GTF2E1: variants seen among roughly 807,000 people sequenced by gnomAD.
The protein encoded by GTF2E1 is TFIIE alpha subunit.
A neutral mutation model predicts 34.9 loss-of-function variants in GTF2E1; 14 were observed. That is an observed-to-expected ratio of 0.40 (90% CI 0.27 to 0.63). The LOEUF is 0.63. GTF2E1 is among the 20% of genes least tolerant of loss of function. The pLI is 0.39. For missense variants in GTF2E1, 469 were observed against 557.7 expected, an observed-to-expected ratio of 0.84 and a Z score of 1.60; for synonymous variants, 188 against 192.9, an observed-to-expected ratio of 0.97 and a Z score of 0.21.
intron 2 of GTF2E1, among the ~76,000 whole-genome samples, chr3:120,764,504 G>A (rs565641178): frequency 6.6e-6 from 1 of 152,282 alleles, no homozygotes; most frequent in African/African-American, 2.4e-5. Context: ...TTTTTTAAAA[G>A]TTTGTGGGAA....
rs756817227 is a variant in GTF2E1 at position 120,781,224 on chromosome 3, C to T, written c.1074C>T (p.Thr358=). 14 of 1,614,044 alleles carry T rather than the reference C, an allele frequency of 8.7e-6. 1 individual carries two copies. In the East Asian group the frequency reaches 3.1e-4, roughly 36 times the overall value. The stretch of plus-strand genomic sequence containing the variant: ...ATGGCAGTGACTCAGAAAGCGAGAC[C>T]AGTGAGTCAGATGATGATTCTCCAC... ...AANGSDSESE[T]SESDDDSPPR... The change falls in exon 5 of 5, where the codon ACC becomes ACT. Residue 358 remains threonine (T), a synonymous_variant. Coordinates refer to ENST00000283875, the MANE Select transcript of GTF2E1 (RefSeq NM_005513.3).
intron 2 of GTF2E1, among the ~76,000 whole-genome samples, chr3:120,756,864 T>TG (rs1374505909): frequency 6.6e-6 from 1 of 152,014 alleles, no homozygotes; most frequent in Non-Finnish European, 1.5e-5. Context: ...AGCCAGAGGT[T>TG]GCAGTGAGCC....
At chr3:120,770,953 A>G in intron 3 of GTF2E1, 24 bp downstream of exon 3, 1 of 1,586,928 alleles carries the variant, frequency 6.3e-7, no homozygotes, top group Non-Finnish European at 8.7e-7. Flanking sequence ...CTGTGCTCTT[A>G]CTAAGAACAC....
chr3:120,763,391 A>AT lies in GTF2E1; in HGVS notation c.449-7333dup, dbSNP rs1319576858. Among the ~76,000 whole-genome samples the AT allele has an allele frequency of 5.9e-5, 9 of 152,246 alleles. No individual in the cohort carries two copies. In the East Asian group the frequency reaches 1.2e-3, roughly 20 times the overall value. ...TTTAAGGAAGGACAAACTAAATTGAATTTTGGGGGGTGGTTTTATGTATTT... is the reference window on the plus strand; with the variant it reads ...TTTAAGGAAGGACAAACTAAATTGAATTTTTGGGGGGTGGTTTTATGTATTT... On this transcript the variant is annotated intron_variant, in intron 2 of 4. Coordinates refer to ENST00000283875, the MANE Select transcript of GTF2E1 (RefSeq NM_005513.3).
intron 2 of GTF2E1, among the ~76,000 whole-genome samples, chr3:120,761,931 C>A (rs1474568594): frequency 6.6e-6 from 1 of 151,950 alleles, no homozygotes; most frequent in Non-Finnish European, 1.5e-5. Context: ...GCTGGGACTA[C>A]AGGTGCCCAC....
At chr3:120,744,740 G>A (rs1337228286) in intron 1 of GTF2E1, among the ~76,000 whole-genome samples, 1 of 151,644 alleles carries the variant, frequency 6.6e-6, no homozygotes, top group Non-Finnish European at 1.5e-5. Context: ...ATTCCACACT[G>A]CCTCCACCTT....
chr3:120,750,934 A>C lies in GTF2E1; in HGVS notation c.382A>C (p.Lys128Gln), dbSNP rs772113947. The change falls in exon 2 of 5, where the codon AAA (lysine) becomes CAA (glutamine). Residue 128 changes from lysine to glutamine, a missense_variant. Physicochemically the swap from Lys to Gln is moderately conservative, Grantham distance 53. Transcript: ENST00000283875. ...ERDSTNRASF[K>Q]CPVCSSTFTD... ...AGATTCGACCAACCGGGCTTCCTTC[A>C]AATGTCCTGTCTGTAGTAGTACTTT... is the stretch of plus-strand genomic sequence containing the variant. 6.2e-7 allele frequency: 1 copy of C among 1,613,896 alleles called. No homozygotes were observed. The highest frequency in any genetic ancestry group is 1.3e-5 in the African/African-American group (1 of 74,924).
chr3:120,767,877 G>T (rs896726014), intron 2 of GTF2E1, among the ~76,000 whole-genome samples: 1 of 151,914 alleles, frequency 6.6e-6, no homozygotes, highest in Admixed American at 6.6e-5. Context: ...TAAATTACTC[G>T]AGTTAAAGGA....
intron 2 of GTF2E1, among the ~76,000 whole-genome samples, chr3:120,759,965 A>G (rs1436347228): frequency 3.9e-5 from 6 of 152,182 alleles, no homozygotes; most frequent in African/African-American, 1.2e-4. Flanking sequence ...GTATTTTCCA[A>G]TTCTGTGAAG....
intron 1 of GTF2E1, among the ~76,000 whole-genome samples, chr3:120,746,577 T>A (rs1183528193): frequency 3.9e-5 from 6 of 151,946 alleles, no homozygotes; most frequent in Non-Finnish European, 8.8e-5. Flanking sequence ...GGTAGGTGGA[T>A]CCCTTGAGCC....
chr3:120,758,328 C>T (rs548547559), intron 2 of GTF2E1, among the ~76,000 whole-genome samples: 3 of 152,062 alleles, frequency 2.0e-5, no homozygotes, highest in Non-Finnish European at 1.5e-5. Flanking sequence ...TTTGCTTATC[C>T]TTCCAGTCCT....
chr3:120,780,674 A>G (rs906517175), intron 4 of GTF2E1, among the ~76,000 whole-genome samples: 8 of 152,228 alleles, frequency 5.3e-5, no homozygotes, highest in Non-Finnish European at 8.8e-5. Flanking sequence ...TCGATTCTTC[A>G]TAGACATTAT....
intron 4 of GTF2E1, among the ~76,000 whole-genome samples, chr3:120,779,196 C>T (rs569768497): frequency 5.9e-4 from 90 of 152,278 alleles, no homozygotes; most frequent in African/African-American, 1.9e-3. Context: ...AAATCTGTTA[C>T]GTGTGACTTA....
rs1222629767 is a variant in GTF2E1 at position 120,782,706 on chromosome 3, G to C, written c.*1236G>C. The C allele has an allele frequency of 6.6e-6, 1 of 152,072 alleles. No homozygotes were observed. Among genetic ancestry groups the C allele is most frequent in the Non-Finnish European group, 1.5e-5 (1 of 68,008 alleles). 9.4% of individuals were successfully genotyped at this position (152,072 alleles called of 1,614,324 possible). A position where few individuals can be genotyped will look rare whatever the true frequency, so the allele number is the denominator to read the frequency against. On this transcript the variant is annotated 3_prime_UTR_variant, in exon 5 of 5. Coordinates refer to ENST00000283875, the MANE Select transcript of GTF2E1 (RefSeq NM_005513.3). The stretch of plus-strand genomic sequence containing the variant: ...TAATTGATTACTCTTCTCTCTCTCT[G>C]TCACTCTCCCTCTTTCTAAACATCA...
At chr3:120,748,367 G>A (rs1709128082) in intron 1 of GTF2E1, among the ~76,000 whole-genome samples, 1 of 151,980 alleles carries the variant, frequency 6.6e-6, no homozygotes, top group Admixed American at 6.6e-5. Flanking sequence ...TTTCTTCTAG[G>A]GTTTTTATGG....
At chr3:120,769,080 C>T (rs1172518446) in intron 2 of GTF2E1, among the ~76,000 whole-genome samples, 1 of 151,628 alleles carries the variant, frequency 6.6e-6, no homozygotes, top group Non-Finnish European at 1.5e-5. Context: ...GTTGTTGATT[C>T]TCATATCTAA....
At chr3:120,764,062 T>G (rs944335184) in intron 2 of GTF2E1, among the ~76,000 whole-genome samples, 1 of 152,202 alleles carries the variant, frequency 6.6e-6, no homozygotes, top group Non-Finnish European at 1.5e-5. Context: ...TATTTTCCCT[T>G]GTCCAAACAT....
At chr3:120,769,765 G>A (rs1475454567) in intron 2 of GTF2E1, among the ~76,000 whole-genome samples, 2 of 152,262 alleles carry the variant, frequency 1.3e-5, no homozygotes, top group South Asian at 2.1e-4. Context: ...CAGTCTAGCT[G>A]TGAGTGCTGA....
At chr3:120,774,249 T>C (rs1169682824) in intron 3 of GTF2E1, among the ~76,000 whole-genome samples, 1 of 152,086 alleles carries the variant, frequency 6.6e-6, no homozygotes, top group Non-Finnish European at 1.5e-5. Flanking sequence ...GATGGGGATG[T>C]TGGCTGAGGA....
Sources: gnomAD v4.1 joint callset for allele counts (sites outside exome capture counted in the v4.1 genomes callset) on GRCh38, gnomAD v4.1.1 for gene constraint, MANE v1.5 for transcripts, NCBI Gene and HGNC (gene_info 2026-07-23, HGNC 2026-07-21) for gene names.